IGLON5: variants seen among roughly 807,000 people sequenced by gnomAD.
IGLON5 encodes the protein IgLON family member 5.
A neutral mutation model predicts 38.2 loss-of-function variants in IGLON5; 16 were observed. The ratio of observed to expected loss-of-function variants is 0.42; its 90% CI spans 0.28 to 0.64. The LOEUF (loss-of-function observed/expected upper bound fraction) is 0.64, where lower values mean the gene tolerates loss of function less well. Ranked by LOEUF, IGLON5 falls within the 30% of genes least tolerant of loss-of-function variation. The pLI, the probability that IGLON5 is intolerant of heterozygous loss-of-function variation, is 0.23. For synonymous variants in IGLON5, 207 were observed against 216.4 expected, an observed-to-expected ratio of 0.96 and a Z score of 0.38; for missense variants, 366 against 483.4, an observed-to-expected ratio of 0.76 and a Z score of 2.28.
At chr19:51,322,549 T>C (rs979832638) in intron 2 of IGLON5, among the ~76,000 whole-genome samples, 2 of 150,842 alleles carry the variant, frequency 1.3e-5, no homozygotes, top group Admixed American at 1.3e-4. Context: ...CTCACCCTGG[T>C]CTCTGTTCCC....
chr19:51,329,879 C>T lies in IGLON5; in HGVS notation c.*1120C>T, dbSNP rs1217518824. 1 of 152,350 alleles carries T rather than the reference C, an allele frequency of 6.6e-6. No homozygotes were observed. The highest frequency in any genetic ancestry group is 1.5e-5 in the Non-Finnish European group (1 of 68,234). 9.4% of individuals were successfully genotyped at this position (152,350 alleles called of 1,614,324 possible). ...ACCAGCGACTGTGACCAGCAATAGC[C>T]CCCTGGCTCCAGCTGTCCGGTAGCT... is the stretch of plus-strand genomic sequence containing the variant. On this transcript the variant is annotated 3_prime_UTR_variant, in exon 8 of 8. Coordinates refer to ENST00000270642, the MANE Select transcript of IGLON5 (RefSeq NM_001101372.3). This position sits in a 1 kb window ranked among gnomAD's most constrained non-coding sequence, Gnocchi z 4.3.
intron 7 of IGLON5, 26 bp from the exon 8 acceptor site, chr19:51,328,645 C>T: frequency 6.7e-7 from 1 of 1,497,450 alleles, no homozygotes. Flanking sequence ...TCAGGCCTCC[C>T]TCCATGACCC....
Position 51,328,853 on chromosome 19 carries a change from A to G in IGLON5, c.*94A>G. On this transcript the variant is annotated 3_prime_UTR_variant, in exon 8 of 8. Transcript: ENST00000270642. ...CAAGAGCCGTGGGTCTCGTGGGGGC[A>G]GAAGAGCTCTCGGCCACCAAGGAAG... 2.5e-6 allele frequency: 2 copies of G among 792,716 alleles called. No homozygotes were observed. The highest frequency in any genetic ancestry group is 1.9e-5 in the South Asian group (1 of 52,462). 49.1% of individuals were successfully genotyped at this position (792,716 alleles called of 1,614,324 possible). A position where few individuals can be genotyped will look rare whatever the true frequency, so the allele number is the denominator to read the frequency against.
intron 1 of IGLON5, among the ~76,000 whole-genome samples, chr19:51,318,214 A>C (rs1423637937): frequency 6.6e-6 from 1 of 152,202 alleles, no homozygotes; most frequent in Non-Finnish European, 1.5e-5. Context: ...TGTTGCAGGC[A>C]TCCATTTATA....
intron 1 of IGLON5, among the ~76,000 whole-genome samples, chr19:51,314,031 CTTCT>C (rs1197023125): frequency 6.6e-6 from 1 of 151,236 alleles, no homozygotes; most frequent in Non-Finnish European, 1.5e-5. Context: ...CCAGCCACCT[CTTCT>C]TTCTTTCTCT....
intron 2 of IGLON5, 150 bp from the exon 3 acceptor site, chr19:51,323,512 A>G (rs537844206): frequency 2.6e-4 from 166 of 648,906 alleles, no homozygotes; most frequent in Non-Finnish European, 3.8e-4. Flanking sequence ...ACTTACCCCC[A>G]GCTGTATGGT....
rs1237541427 is a variant in IGLON5, at chr19:51,327,761, A to C, written c.797A>C (p.Lys266Thr). The C allele has an allele frequency of 1.9e-6, 3 of 1,578,324 alleles. No homozygotes were observed. In the African/African-American group the frequency reaches 4.0e-5, roughly 21 times the overall value. Residue 266 changes from lysine (K) to threonine (T), a missense_variant, in exon 7 of 8, where the codon AAG becomes ACG. Lys to Thr is a moderately conservative substitution (Grantham distance 78). Transcript: ENST00000270642. The surrounding 1 kb of genome is among the most constrained non-coding windows in gnomAD (Gnocchi z 7.1). The part of the protein sequence containing the change: ...LLSSGTAEGL[K>T]VQTERTRSML... ...AGCAGCGGCACGGCCGAAGGCCTGA[A>C]GGTGCAGACGGAGCGCACCCGCTCG...
chr19:51,323,647 T>G lies in IGLON5; in HGVS notation c.159-15T>G. The G allele has an allele frequency of 6.3e-7, 1 of 1,597,216 alleles. No homozygotes were observed. The highest frequency in any genetic ancestry group is 1.1e-5 in the South Asian group (1 of 90,130). Reference sequence around the variant, plus strand: ...GGTGGGTGGAGAAAAACCTTCCCACTCATTCTCCCTGCAGCTGCTTCATCG... The same window carrying G: ...GGTGGGTGGAGAAAAACCTTCCCACGCATTCTCCCTGCAGCTGCTTCATCG... On this transcript the variant is annotated splice_polypyrimidine_tract_variant and intron_variant, in intron 2 of 7. Coordinates refer to ENST00000270642, the MANE Select transcript of IGLON5 (RefSeq NM_001101372.3).
rs1275071252 is a variant in IGLON5 at position 51,326,904 on chromosome 19, C to G, written c.646+6C>G. ...CGTGCTGGTCACAGTCAACTGTGAG[C>G]CCCCCTGGCACTGGGCACGAAAGGG... On this transcript the variant is annotated splice_donor_region_variant and intron_variant, in intron 5 of 7. Transcript: ENST00000270642. 2 of 1,569,304 alleles carry G rather than the reference C, an allele frequency of 1.3e-6. No homozygotes were observed. The highest frequency in any genetic ancestry group is 1.9e-5 in the Admixed American group (1 of 53,142).
intron 1 of IGLON5, among the ~76,000 whole-genome samples, chr19:51,318,396 G>C (rs190223395): frequency 6.6e-6 from 1 of 152,226 alleles, no homozygotes; most frequent in African/African-American, 2.4e-5. Context: ...AAAGTCCTGA[G>C]GCACCCGGAG....
rs777916847 is a variant in IGLON5 at position 51,325,401 on chromosome 19, T to C, written c.447T>C (p.Asn149=). 3 of 1,613,816 alleles carry C rather than the reference T, an allele frequency of 1.9e-6. No individual in the cohort carries two copies. Among genetic ancestry groups the C allele is most frequent in the Admixed American group, 3.3e-5 (2 of 60,000 alleles). ...SSPVTVNEGG[N]VNLLCLAVGR... The stretch of plus-strand genomic sequence containing the variant: ...CTGTGACGGTGAATGAGGGGGGCAA[T>C]GTGAACCTGCTTTGCCTGGCCGTGG... The change falls in exon 4 of 8, where the codon AAT becomes AAC. Residue 149 remains asparagine, a synonymous_variant. Transcript: ENST00000270642. This position sits in a 1 kb window ranked among gnomAD's most constrained non-coding sequence, Gnocchi z 5.5.
chr19:51,321,465 C>T (rs924927611), intron 1 of IGLON5, among the ~76,000 whole-genome samples: 1 of 152,108 alleles, frequency 6.6e-6, no homozygotes, highest in Admixed American at 6.5e-5. Flanking sequence ...AGGTGTGAGC[C>T]ACCGCACCTG....
At chr19:51,326,983 G>A (rs1210750890) in intron 5 of IGLON5, 85 bp downstream of exon 5, 1 of 1,580,282 alleles carries the variant, frequency 6.3e-7, no homozygotes, top group Non-Finnish European at 8.6e-7. Context: ...AGGAAGCGGG[G>A]GCGAGACTTA....
At position 51,327,203 on chromosome 19, in the gene IGLON5, G is replaced by A. The variant is rs1196501351; in HGVS notation, c.767+3G>A. On this transcript the variant is annotated splice_donor_region_variant and intron_variant, in intron 6 of 7. Coordinates refer to ENST00000270642, the MANE Select transcript of IGLON5 (RefSeq NM_001101372.3). This position sits in a 1 kb window ranked among gnomAD's most constrained non-coding sequence, Gnocchi z 7.1. ...CAGTGGTACAAGGATGACAGACTGT[G>A]AGGACAGCACTGAGGGGGCCGTGGG... 2.5e-6 allele frequency: 4 copies of A among 1,610,902 alleles called. No individual in the cohort carries two copies. The highest frequency in any genetic ancestry group is 2.7e-5 in the African/African-American group (2 of 74,926).
intron 1 of IGLON5, among the ~76,000 whole-genome samples, chr19:51,316,746 G>A (rs149346794): frequency 1.4e-3 from 209 of 152,054 alleles, no homozygotes; most frequent in African/African-American, 4.6e-3. Flanking sequence ...CATCCGCCTT[G>A]GCCTCCCAAA....
At chr19:51,314,644 G>T in intron 1 of IGLON5, among the ~76,000 whole-genome samples, 1 of 152,156 alleles carries the variant, frequency 6.6e-6, no homozygotes, top group African/African-American at 2.4e-5. Flanking sequence ...GATGGGGTGG[G>T]GTTGAGACAG....
Position 51,317,417 on chromosome 19 carries a change from C to A in IGLON5, c.80-4647C>A, listed in dbSNP as rs562435377. The stretch of plus-strand genomic sequence containing the variant: ...GTGAGGAAGGCATGATTATCATTTC[C>A]ATTTCAGGTGGGGAAACTGAGTCCC... On this transcript the variant is annotated intron_variant, in intron 1 of 7. Coordinates refer to ENST00000270642, the MANE Select transcript of IGLON5 (RefSeq NM_001101372.3). 1.2e-4 allele frequency among the ~76,000 whole-genome samples: 19 copies of A among 152,350 alleles called. No individual in the cohort carries two copies. The East Asian group carries it at 3.7e-3, about 29-fold the overall frequency.
rs773241114 is a variant in IGLON5 at position 51,323,818 on chromosome 19, C to T, written c.315C>T (p.Gly105=). The change falls in exon 3 of 8, where the codon GGC becomes GGT. Residue 105 remains glycine (G), a synonymous_variant. Transcript: ENST00000270642. Reference sequence around the variant, plus strand: ...TCCTCATCACCGAGGTGGGGCTCGGCGACGAGGGCCTCTACACCTGCTCCT... The same window carrying T: ...TCCTCATCACCGAGGTGGGGCTCGGTGACGAGGGCCTCTACACCTGCTCCT... ...FSILITEVGL[G]DEGLYTCSFQ... is the part of the protein sequence containing the mutation. 10 of 1,613,768 alleles carry T rather than the reference C, an allele frequency of 6.2e-6. No individual in the cohort carries two copies. Among genetic ancestry groups the T allele is most frequent in the East Asian group, 2.2e-5 (1 of 44,874 alleles).
chr19:51,326,979 C>T (rs866979196), intron 5 of IGLON5, 81 bp downstream of exon 5: 1 of 1,574,034 alleles, frequency 6.4e-7, no homozygotes, highest in Non-Finnish European at 8.6e-7. Context: ...GAAGAGGAAG[C>T]GGGGGCGAGA....
Sources: gnomAD v4.1 joint callset for allele counts (sites outside exome capture counted in the v4.1 genomes callset) on GRCh38, gnomAD v4.1.1 for gene constraint, Gnocchi (gnomAD v3.1) non-coding constraint, MANE v1.5 for transcripts, NCBI Gene and HGNC (gene_info 2026-07-23, HGNC 2026-07-21) for gene names.